The following NCOA2 variants were observed in gnomAD, a reference collection of about 807,000 sequenced individuals.
NCOA2 encodes class E basic helix-loop-helix protein 75.
In NCOA2, 21 loss-of-function variants were observed where a neutral mutation model predicts 145.1. That is an observed-to-expected ratio of 0.14 (90% CI 0.10 to 0.21). The LOEUF (loss-of-function observed/expected upper bound fraction) is 0.21, where lower values mean the gene tolerates loss of function less well. Among genes scored for constraint, NCOA2 ranks in the 10% least tolerant of loss-of-function variants. The probability of loss-of-function intolerance (pLI) is 1.00; values close to 1 mark genes in which losing one functional copy is unlikely to be tolerated. For synonymous variants in NCOA2, 619 were observed against 637.5 expected (o/e 0.97, Z 0.44); for missense variants, 1,472 against 1,837.6 (o/e 0.80, Z 3.64).
intron 9 of NCOA2, among the ~76,000 whole-genome samples, chr8:70,161,754 CTGCAT>C (rs1431783904): frequency 1.9e-4 from 29 of 152,318 alleles, no homozygotes; most frequent in African/African-American, 6.5e-4. Flanking sequence ...CTGCACTGCA[CTGCAT>C]GAGTCCCTCA....
chr8:70,243,693 A>C (rs1236416269), intron 2 of NCOA2, among the ~76,000 whole-genome samples: 3 of 151,796 alleles, frequency 2.0e-5, no homozygotes, highest in Non-Finnish European at 4.4e-5. Flanking sequence ...TTCTGGGCGG[A>C]AAATGGTATG....
rs1266775375 is a variant in NCOA2 at position 70,110,391 on chromosome 8, G to A, written c.*3241C>T. 5.2e-6 allele frequency: 1 copy of A among 193,904 alleles called. No individual in the cohort carries two copies. The highest frequency in any genetic ancestry group is 1.1e-5 in the Non-Finnish European group (1 of 93,222). 12.0% of individuals were successfully genotyped at this position (193,904 alleles called of 1,614,324 possible). A position where few individuals can be genotyped will look rare whatever the true frequency, so the allele number is the denominator to read the frequency against. Reference sequence around the variant, plus strand: ...AGGTTCTTGCACATAGCTTTTACCTGTAGTAAGAAACTTAAAAGATTTTGC... The same window carrying A: ...AGGTTCTTGCACATAGCTTTTACCTATAGTAAGAAACTTAAAAGATTTTGC... On this transcript the variant is annotated 3_prime_UTR_variant, in exon 23 of 23. Transcript: ENST00000452400.
At position 70,126,756 on chromosome 8, in the gene NCOA2, T is replaced by G. The variant is rs1233886504; in HGVS notation, c.3916+57A>C. The G allele has an allele frequency of 2.1e-6, 3 of 1,427,018 alleles. No individual in the cohort carries two copies. In the East Asian group the frequency reaches 6.9e-5, roughly 33 times the overall value. 88.4% of individuals were successfully genotyped at this position (1,427,018 alleles called of 1,614,324 possible). ...TGAGAGAGGAGCTGTGACCCAACAC[T>G]GGGGGACACTGGGGAGAAAGGACTG... On this transcript the variant is annotated intron_variant, in intron 19 of 22. Coordinates refer to ENST00000452400, the MANE Select transcript of NCOA2 (RefSeq NM_006540.4).
chr8:70,374,320 A>C (rs1811476683), intron 1 of NCOA2, among the ~76,000 whole-genome samples: 1 of 151,930 alleles, frequency 6.6e-6, no homozygotes, highest in South Asian at 2.1e-4. Flanking sequence ...AAAAATACAT[A>C]AATTAGCCAG....
At chr8:70,299,205 C>CT (rs1429938017) in intron 1 of NCOA2, among the ~76,000 whole-genome samples, 1 of 152,076 alleles carries the variant, frequency 6.6e-6, no homozygotes, top group Non-Finnish European at 1.5e-5. Context: ...GAATTACAAA[C>CT]TTTTTTATAA....
chr8:70,178,968 T>C (rs1563575665), intron 4 of NCOA2, among the ~76,000 whole-genome samples: 1 of 152,168 alleles, frequency 6.6e-6, no homozygotes, highest in Non-Finnish European at 1.5e-5. Context: ...TAAACTTATA[T>C]TAGTGGAAAT....
chr8:70,259,433 G>C (rs1229202654), intron 2 of NCOA2, among the ~76,000 whole-genome samples: 1 of 152,044 alleles, frequency 6.6e-6, no homozygotes, highest in Non-Finnish European at 1.5e-5. Flanking sequence ...ATTCCCTACA[G>C]GACTTATTAT....
intron 22 of NCOA2, among the ~76,000 whole-genome samples, chr8:70,120,503 CT>C (rs1807677431): frequency 6.6e-6 from 1 of 152,006 alleles, no homozygotes; most frequent in South Asian, 2.1e-4. Flanking sequence ...GGTGGATCAC[CT>C]GAGGTCAGGA....
At chr8:70,385,306 C>A (rs1812562473) in intron 1 of NCOA2, among the ~76,000 whole-genome samples, 1 of 152,188 alleles carries the variant, frequency 6.6e-6, no homozygotes, top group Admixed American at 6.5e-5. Flanking sequence ...CGAACATTTA[C>A]AAAAATTGGG....
chr8:70,392,246 A>AT (rs1312228198), intron 1 of NCOA2, among the ~76,000 whole-genome samples: 1 of 152,216 alleles, frequency 6.6e-6, no homozygotes, highest in Non-Finnish European at 1.5e-5. Flanking sequence ...CTACCACATT[A>AT]TTAAAGGATC....
At chr8:70,176,498 T>C (rs1242166709) in intron 4 of NCOA2, among the ~76,000 whole-genome samples, 1 of 152,112 alleles carries the variant, frequency 6.6e-6, no homozygotes, top group Non-Finnish European at 1.5e-5. Context: ...CCTCAGCCGG[T>C]CCCTTCTGAG....
chr8:70,226,919 T>C (rs950685821), intron 2 of NCOA2, among the ~76,000 whole-genome samples: 1 of 152,180 alleles, frequency 6.6e-6, no homozygotes, highest in South Asian at 2.1e-4. Context: ...TGGTCTATCC[T>C]TCCAAAGCAG....
At chr8:70,149,603 G>T (rs1389391924) in intron 11 of NCOA2, among the ~76,000 whole-genome samples, 1 of 150,674 alleles carries the variant, frequency 6.6e-6, no homozygotes, top group Non-Finnish European at 1.5e-5. Context: ...CAAAATTCAA[G>T]CACTAACATA....
At chr8:70,365,245 C>G (rs1810585967) in intron 1 of NCOA2, among the ~76,000 whole-genome samples, 1 of 152,024 alleles carries the variant, frequency 6.6e-6, no homozygotes. Context: ...GGTGGGAAAA[C>G]AGATTGAGCC....
In NCOA2 at chr8:70,394,241, C is replaced by T. The variant is rs571421656; in HGVS notation, c.-77+9459G>A. Among the ~76,000 whole-genome samples, 133 of 152,296 alleles carry T rather than the reference C, an allele frequency of 8.7e-4. 1 individual carries two copies. The highest frequency in any genetic ancestry group is 3.1e-3 in the African/African-American group (127 of 41,560). ...CGCAATCTTGGCTCACCACAACCTC[C>T]GCCTCCTGGGTTCAAGCAATTCTCC... On this transcript the variant is annotated intron_variant, in intron 1 of 22. Coordinates refer to ENST00000452400, the MANE Select transcript of NCOA2 (RefSeq NM_006540.4).
intron 1 of NCOA2, among the ~76,000 whole-genome samples, chr8:70,341,236 A>G (rs1808116530): frequency 6.6e-6 from 1 of 152,098 alleles, no homozygotes. Context: ...TTTGAAAATT[A>G]GCCAGGCATG....
rs1259771182 is a variant in NCOA2 at position 70,403,649 on chromosome 8, T to TGCCGCCC, written c.-77+44_-77+50dup. 8.4e-4 allele frequency: 302 copies of TGCCGCCC among 357,780 alleles called. 1 individual carries two copies. Among genetic ancestry groups the TGCCGCCC allele is most frequent in the South Asian group, 2.4e-3 (18 of 7,500 alleles). The allele number at this position is 357,780 out of a possible 1,614,324, so 22.2% of individuals were successfully genotyped here. A position where few individuals can be genotyped will look rare whatever the true frequency, so the allele number is the denominator to read the frequency against. On this transcript the variant is annotated intron_variant, in intron 1 of 22. Coordinates refer to ENST00000452400, the MANE Select transcript of NCOA2 (RefSeq NM_006540.4). ...GGGTGGGGACGCGGCGCCCCCCGCC[T>TGCCGCCC]GCCGCCCGCCCCCCGCCCGCCCTCG...
chr8:70,435,424 CAAAAAAAA>C, the NCOA2 span, among the ~76,000 whole-genome samples: 15 of 20,152 alleles, frequency 7.4e-4, no homozygotes, highest in Admixed American at 1.5e-3. Flanking sequence ...GACTCCGTCT[CAAAAAAAA>C]AAAAAAAAAA....
At chr8:70,160,465 A>G (rs1585894233) in intron 9 of NCOA2, among the ~76,000 whole-genome samples, 1 of 152,210 alleles carries the variant, frequency 6.6e-6, no homozygotes, top group Admixed American at 6.5e-5. Context: ...TAACTGTCTT[A>G]TATCACCTAT....
Sources: allele counts gnomAD v4.1 joint callset (sites outside exome capture counted in the v4.1 genomes callset), GRCh38; gene constraint gnomAD v4.1.1; transcripts MANE v1.5; gene names NCBI Gene and HGNC (gene_info 2026-07-23, HGNC 2026-07-21).